CACNA2D3: variants seen among roughly 807,000 people sequenced by gnomAD.
CACNA2D3 encodes calcium voltage-gated channel auxiliary subunit alpha2delta 3.
Under a neutral mutation model 160.6 loss-of-function variants are expected in CACNA2D3, and 60 were observed. The observed-to-expected ratio is 0.37, with a 90% CI of 0.30 to 0.46. CACNA2D3 has a LOEUF of 0.46. CACNA2D3 is among the 20% of genes least tolerant of loss of function. The pLI is 1.00. For synonymous variants in CACNA2D3, 558 were observed against 492.9 expected (o/e 1.13, Z -1.75); for missense variants, 1,205 against 1,365.0 (o/e 0.88, Z 1.85).
intron 3 of CACNA2D3, among the ~76,000 whole-genome samples, chr3:54,361,801 C>T (rs1159081766): frequency 6.6e-6 from 1 of 152,078 alleles, no homozygotes; most frequent in Non-Finnish European, 1.5e-5. Context: ...GAGAGAGAGA[C>T]AGGAGAGGAT....
chr3:55,045,860 G>C (rs1704067648), intron 35 of CACNA2D3, among the ~76,000 whole-genome samples: 1 of 151,876 alleles, frequency 6.6e-6, no homozygotes, highest in Non-Finnish European at 1.5e-5. Context: ...CTGTTAGTTT[G>C]ATTTCTCTAT....
At position 54,390,636 on chromosome 3, in the gene CACNA2D3, G is replaced by C. The variant is rs116295563; in HGVS notation, c.381+3862G>C. On this transcript the variant is annotated intron_variant, in intron 4 of 37. Coordinates refer to ENST00000474759, the MANE Select transcript of CACNA2D3 (RefSeq NM_018398.3). Reference sequence around the variant, plus strand: ...CACATGCACTTTGGTGGAGACCTGTGAAAGAGAGGCCTTTGATAAACTGGC... The same window carrying C: ...CACATGCACTTTGGTGGAGACCTGTCAAAGAGAGGCCTTTGATAAACTGGC... 2.3e-3 allele frequency among the ~76,000 whole-genome samples: 357 copies of C among 152,312 alleles called. 3 individuals carry two copies. The highest frequency in any genetic ancestry group is 8.4e-3 in the African/African-American group (348 of 41,574).
intron 9 of CACNA2D3, among the ~76,000 whole-genome samples, chr3:54,613,227 A>G (rs1034098459): frequency 6.6e-6 from 1 of 152,238 alleles, no homozygotes; most frequent in African/African-American, 2.4e-5. Context: ...AATGACTTGG[A>G]TAATTTAACA....
intron 9 of CACNA2D3, among the ~76,000 whole-genome samples, chr3:54,595,893 A>G (rs1195788636): frequency 3.9e-5 from 6 of 152,106 alleles, no homozygotes; most frequent in Non-Finnish European, 7.4e-5. Flanking sequence ...TCACCCATCC[A>G]TTCACTACTT....
intron 11 of CACNA2D3, among the ~76,000 whole-genome samples, chr3:54,677,633 A>C (rs1398884773): frequency 6.6e-6 from 1 of 151,432 alleles, no homozygotes; most frequent in Non-Finnish European, 1.5e-5. Context: ...GGGGGGGGCA[A>C]CGTACTTACT....
intron 2 of CACNA2D3, among the ~76,000 whole-genome samples, chr3:54,280,705 C>G (rs1702861017): frequency 6.6e-6 from 1 of 152,186 alleles, no homozygotes. Flanking sequence ...ACTCTGTTCT[C>G]TCTTGTGCCC....
At chr3:54,683,851 G>C (rs1288032313) in intron 11 of CACNA2D3, among the ~76,000 whole-genome samples, 1 of 151,980 alleles carries the variant, frequency 6.6e-6, no homozygotes, top group Non-Finnish European at 1.5e-5. Context: ...CTAGCTTCTA[G>C]TGGTTGCTAG....
intron 9 of CACNA2D3, among the ~76,000 whole-genome samples, chr3:54,618,480 T>C (rs1315522906): frequency 1.3e-5 from 2 of 151,310 alleles, no homozygotes; most frequent in African/African-American, 4.9e-5. Context: ...GACAATTAAG[T>C]TTAATACCCA....
At chr3:54,815,774 T>C (rs1703434433) in intron 13 of CACNA2D3, among the ~76,000 whole-genome samples, 1 of 152,244 alleles carries the variant, frequency 6.6e-6, no homozygotes, top group South Asian at 2.1e-4. Context: ...TGGGTTGTTG[T>C]GATTTAATGG....
intron 11 of CACNA2D3, among the ~76,000 whole-genome samples, chr3:54,720,878 T>A (rs983861828): frequency 5.3e-5 from 8 of 152,128 alleles, no homozygotes; most frequent in African/African-American, 1.9e-4. Flanking sequence ...GTGCTTTACA[T>A]GGTTTGAAGG....
At chr3:54,778,287 G>C (rs1702461134) in intron 13 of CACNA2D3, among the ~76,000 whole-genome samples, 2 of 152,056 alleles carry the variant, frequency 1.3e-5, no homozygotes, top group South Asian at 4.2e-4. Flanking sequence ...AACATTGGGG[G>C]TTACAGTTTG....
chr3:54,608,311 C>T (rs1698679180), intron 9 of CACNA2D3, among the ~76,000 whole-genome samples: 1 of 152,190 alleles, frequency 6.6e-6, no homozygotes, highest in Non-Finnish European at 1.5e-5. Context: ...AGCTTTGCAA[C>T]TTTTATGTCA....
intron 9 of CACNA2D3, among the ~76,000 whole-genome samples, chr3:54,592,556 AC>A (rs1212363097): frequency 6.6e-6 from 1 of 152,052 alleles, no homozygotes; most frequent in Non-Finnish European, 1.5e-5. Context: ...TCTACTACAG[AC>A]CTTCTGAACC....
At chr3:54,600,142 C>T (rs1262798067) in intron 9 of CACNA2D3, among the ~76,000 whole-genome samples, 1 of 152,240 alleles carries the variant, frequency 6.6e-6, no homozygotes, top group Non-Finnish European at 1.5e-5. Flanking sequence ...CAGTGTTCGA[C>T]GCACCTTCAT....
intron 11 of CACNA2D3, among the ~76,000 whole-genome samples, chr3:54,687,251 C>T (rs1404880871): frequency 1.3e-5 from 2 of 149,234 alleles, no homozygotes; most frequent in African/African-American, 2.5e-5. Flanking sequence ...AGTGATTCTT[C>T]TGCCTCAGCC....
At chr3:54,393,404 A>T (rs1170003332) in intron 4 of CACNA2D3, among the ~76,000 whole-genome samples, 1 of 152,082 alleles carries the variant, frequency 6.6e-6, no homozygotes, top group Non-Finnish European at 1.5e-5. Flanking sequence ...CCACTGCTGG[A>T]GTGTGTGTCT....
intron 1 of CACNA2D3, among the ~76,000 whole-genome samples, chr3:54,123,166 G>T (rs1325530306): frequency 1.3e-5 from 2 of 152,062 alleles, no homozygotes; most frequent in African/African-American, 2.4e-5. Flanking sequence ...TTTTTGGGGG[G>T]GGGATGGGTG....
At chr3:54,330,832 G>A (rs1704232052) in intron 3 of CACNA2D3, among the ~76,000 whole-genome samples, 1 of 152,342 alleles carries the variant, frequency 6.6e-6, no homozygotes, top group African/African-American at 2.4e-5. Context: ...TTCCCTTGAT[G>A]TGCTGGGAGT....
chr3:54,558,937 G>A (rs1702281376), intron 5 of CACNA2D3, among the ~76,000 whole-genome samples: 1 of 152,138 alleles, frequency 6.6e-6, no homozygotes, highest in African/African-American at 2.4e-5. Context: ...AGGAGAACAA[G>A]GGATCTAGCC....
Sources: gnomAD v4.1 joint callset for allele counts (sites outside exome capture counted in the v4.1 genomes callset) on GRCh38, gnomAD v4.1.1 for gene constraint, MANE v1.5 for transcripts, NCBI Gene and HGNC (gene_info 2026-07-23, HGNC 2026-07-21) for gene names.